TBCK: variants seen among roughly 807,000 people sequenced by gnomAD.
The protein encoded by TBCK is TBC domain-containing protein kinase-like protein.
In TBCK, 99 loss-of-function variants were observed where a neutral mutation model predicts 113.4. The observed-to-expected ratio is 0.87, with a 90% CI of 0.74 to 1.03. The LOEUF (loss-of-function observed/expected upper bound fraction) is 1.03. TBCK is among the 50% of genes least tolerant of loss of function. The pLI, the probability that TBCK is intolerant of heterozygous loss-of-function variation, is 0.00. For synonymous variants in TBCK, 369 were observed against 370.8 expected, an observed-to-expected ratio of 1.00 and a Z score of 0.05; for missense variants, 1,045 against 1,061.3, an observed-to-expected ratio of 0.98 and a Z score of 0.21.
intron 20 of TBCK, among the ~76,000 whole-genome samples, chr4:106,195,492 T>TGTGTGTG (rs371211369): frequency 0.35 from 52,574 of 148,640 alleles, 9,767 homozygotes; most frequent in African/African-American, 0.46. Flanking sequence ...ATGTGTGTGT[T>TGTGTGTG]TGTGTGTGTG....
intron 25 of TBCK, among the ~76,000 whole-genome samples, chr4:106,068,926 G>T (rs974408675): frequency 6.6e-6 from 1 of 152,188 alleles, no homozygotes; most frequent in Non-Finnish European, 1.5e-5. Context: ...GTGTCTGTTG[G>T]CTGCATAAAT....
intron 19 of TBCK, chr4:106,213,494 CA>C (rs1298643169): frequency 1.2e-5 from 2 of 162,522 alleles, no homozygotes; most frequent in Non-Finnish European, 2.6e-5. Flanking sequence ...ACAGTGGGCG[CA>C]GGCAAGTGGG....
rs776225764 is a variant in TBCK at position 106,222,618 on chromosome 4, TC to T, written c.1774+7744del. Reference sequence around the variant, plus strand: ...TCAATTCCATAACTATTTGTTGTTTTCCATCAGACTACTAGTCTATCATGAA... The same window carrying T: ...TCAATTCCATAACTATTTGTTGTTTTCATCAGACTACTAGTCTATCATGAA... On this transcript the variant is annotated intron_variant, in intron 19 of 25. Coordinates refer to ENST00000394708, the MANE Select transcript of TBCK (RefSeq NM_001163435.3). 5.2e-4 allele frequency among the ~76,000 whole-genome samples: 79 copies of T among 152,146 alleles called. 1 individual carries two copies. Among genetic ancestry groups the T allele is most frequent in the Non-Finnish European group, 1.0e-3 (69 of 67,978 alleles).
rs118155690 is a variant in TBCK at position 106,117,598 on chromosome 4, T to C, written c.2236-1220A>G. 3.2e-4 allele frequency among the ~76,000 whole-genome samples: 48 copies of C among 152,324 alleles called. 1 individual carries two copies. In the East Asian group the frequency reaches 8.5e-3, roughly 27 times the overall value. ...TACAATTATTCTCTATGTTTCTTAG[T>C]AGAAGAAGGATGAGCCTTTCCCCAT... On this transcript the variant is annotated intron_variant, in intron 23 of 25. Coordinates refer to ENST00000394708, the MANE Select transcript of TBCK (RefSeq NM_001163435.3).
intron 3 of TBCK, among the ~76,000 whole-genome samples, chr4:106,291,811 A>ACTAGCACCATCAGTATGT (rs2125832268): frequency 1.3e-5 from 2 of 152,304 alleles, no homozygotes; most frequent in South Asian, 4.1e-4. Context: ...TCCTCTTTCG[A>ACTAGCACCATCAGTATGT]CTAGCACCAT....
chr4:106,127,900 T>C (rs1251041048), intron 23 of TBCK, among the ~76,000 whole-genome samples: 1 of 152,160 alleles, frequency 6.6e-6, no homozygotes, highest in Non-Finnish European at 1.5e-5. Context: ...CAGGCCATTT[T>C]ATTTATGAAG....
At chr4:106,088,609 G>A (rs189012934) in intron 25 of TBCK, among the ~76,000 whole-genome samples, 2 of 152,116 alleles carry the variant, frequency 1.3e-5, no homozygotes, top group African/African-American at 2.4e-5. Flanking sequence ...ATATACCCAA[G>A]GAATAGAAAT....
At chr4:106,116,939 A>G (rs56341229) in intron 23 of TBCK, among the ~76,000 whole-genome samples, 19,671 of 151,978 alleles carry the variant, frequency 0.13, 1,605 homozygotes, top group South Asian at 0.24. Context: ...AAAGTGCACA[A>G]TAAATGTAAC....
rs1251004593 is a variant in TBCK at position 106,062,748 on chromosome 4, C to G, written c.2572-16068G>C. 2.6e-5 allele frequency among the ~76,000 whole-genome samples: 4 copies of G among 151,818 alleles called. No individual in the cohort carries two copies. The East Asian group carries it at 7.7e-4, about 29-fold the overall frequency. On this transcript the variant is annotated intron_variant, in intron 25 of 25. Coordinates refer to ENST00000394708, the MANE Select transcript of TBCK (RefSeq NM_001163435.3). ...ATATTGAGACAAGATAACTTTCATC[C>G]TGTGTCAGGTCACAAATGTGAGTGC...
intron 20 of TBCK, among the ~76,000 whole-genome samples, chr4:106,198,952 G>C (rs940094610): frequency 3.9e-5 from 6 of 152,058 alleles, no homozygotes; most frequent in African/African-American, 1.4e-4. Flanking sequence ...AGAATGATAG[G>C]ATTCTTGTGA....
At chr4:106,261,616 T>C (rs1193999136) in intron 4 of TBCK, among the ~76,000 whole-genome samples, 1 of 151,916 alleles carries the variant, frequency 6.6e-6, no homozygotes, top group African/African-American at 2.4e-5. Flanking sequence ...AGATTTCCAG[T>C]AGAGAAACAG....
chr4:106,052,094 T>C (rs1224919439), intron 25 of TBCK, among the ~76,000 whole-genome samples: 2 of 151,888 alleles, frequency 1.3e-5, no homozygotes, highest in South Asian at 2.1e-4. Context: ...TTTTAACTCA[T>C]TGAAGTTTAT....
chr4:106,267,065 G>A (rs1403463320), intron 3 of TBCK, among the ~76,000 whole-genome samples: 1 of 151,922 alleles, frequency 6.6e-6, no homozygotes, highest in African/African-American at 2.4e-5. Context: ...TCCCAAGTGA[G>A]AATCTTGTTA....
At chr4:106,294,557 C>T (rs184357509) in intron 3 of TBCK, among the ~76,000 whole-genome samples, 80 of 152,026 alleles carry the variant, frequency 5.3e-4, no homozygotes, top group African/African-American at 1.7e-3. Flanking sequence ...TCTCGGCTCA[C>T]CGTAAGCTCC....
intron 24 of TBCK, among the ~76,000 whole-genome samples, chr4:106,104,164 G>T (rs760153083): frequency 3.9e-5 from 6 of 152,204 alleles, no homozygotes; most frequent in Admixed American, 1.3e-4. Context: ...TGGCAAAGTA[G>T]AAGGTTAGAC....
intron 20 of TBCK, among the ~76,000 whole-genome samples, chr4:106,206,953 G>A (rs193122925): frequency 7.2e-5 from 11 of 152,078 alleles, no homozygotes; most frequent in Non-Finnish European, 1.5e-4. Flanking sequence ...TCTCTTAATG[G>A]TTACCTGACA....
At chr4:106,264,936 C>A (rs1230316550) in intron 3 of TBCK, among the ~76,000 whole-genome samples, 1 of 151,776 alleles carries the variant, frequency 6.6e-6, no homozygotes, top group African/African-American at 2.4e-5. Flanking sequence ...TTATTAATGG[C>A]GAGAAGGCTA....
chr4:106,042,614 C>T lies in TBCK; in HGVS notation c.*3956G>A, dbSNP rs761414953. On this transcript the variant is annotated 3_prime_UTR_variant, in exon 26 of 26. Transcript: ENST00000394708. ...GACCTTGTGATCTGCCTGCCTCGGC[C>T]TCCCAAAGTGAATAAGATTCTTTTG... is the stretch of plus-strand genomic sequence containing the variant. 6.6e-6 allele frequency: 1 copy of T among 152,142 alleles called. No homozygotes were observed. Among genetic ancestry groups the T allele is most frequent in the Non-Finnish European group, 1.5e-5 (1 of 68,054 alleles). The allele number at this position is 152,142 out of a possible 1,614,324, so 9.4% of individuals were successfully genotyped here. A position where few individuals can be genotyped will look rare whatever the true frequency, so the allele number is the denominator to read the frequency against.
At chr4:106,215,362 A>C (rs1756748551) in intron 19 of TBCK, among the ~76,000 whole-genome samples, 2 of 152,140 alleles carry the variant, frequency 1.3e-5, no homozygotes, top group Admixed American at 6.5e-5. Context: ...TTCACACATA[A>C]CACGATTAAC....
Sources: allele counts gnomAD v4.1 joint callset (sites outside exome capture counted in the v4.1 genomes callset), GRCh38; gene constraint gnomAD v4.1.1; transcripts MANE v1.5; gene names NCBI Gene and HGNC (gene_info 2026-07-23, HGNC 2026-07-21).